LRRTM3: variants seen among roughly 807,000 people sequenced by gnomAD.
The protein encoded by LRRTM3 is leucine rich repeat transmembrane neuronal 3, also known as leucine-rich repeat transmembrane neuronal protein 3.
In LRRTM3, 24 loss-of-function variants were observed where a neutral mutation model predicts 44.7. That is an observed-to-expected ratio of 0.54 (90% CI 0.39 to 0.76). The LOEUF is 0.76. Ranked by LOEUF, LRRTM3 falls within the 30% of genes least tolerant of loss-of-function variation. The pLI is 0.00. For synonymous variants in LRRTM3, 277 were observed against 278.7 expected, an observed-to-expected ratio of 0.99 and a Z score of 0.06; for missense variants, 587 against 702.2, an observed-to-expected ratio of 0.84 and a Z score of 1.85.
In LRRTM3 at chr10:67,101,078, A is replaced by C. The variant is rs1858308903; in HGVS notation, c.*3282A>C. Reference sequence around the variant, plus strand: ...TGTTCTACTCTGGGCTCTCACATTAAAACTCTGTTCAAAAAGTTTAACAAG... The same window carrying C: ...TGTTCTACTCTGGGCTCTCACATTACAACTCTGTTCAAAAAGTTTAACAAG... On this transcript the variant is annotated 3_prime_UTR_variant, in exon 3 of 3. Coordinates refer to ENST00000361320, the MANE Select transcript of LRRTM3 (RefSeq NM_178011.5). Among the ~76,000 whole-genome samples, 1 of 151,782 alleles carries C rather than the reference A, an allele frequency of 6.6e-6. No homozygotes were observed. The highest frequency in any genetic ancestry group is 2.1e-4 in the South Asian group (1 of 4,830).
intron 2 of LRRTM3, among the ~76,000 whole-genome samples, chr10:66,994,063 T>C (rs543907846): frequency 6.6e-6 from 1 of 152,284 alleles, no homozygotes; most frequent in East Asian, 1.9e-4. Context: ...TAAATATTAA[T>C]CATGCCAGGT....
intron 2 of LRRTM3, among the ~76,000 whole-genome samples, chr10:67,062,149 G>A (rs950890246): frequency 2.0e-5 from 3 of 151,664 alleles, no homozygotes; most frequent in African/African-American, 7.3e-5. Flanking sequence ...TTTGAGGCAG[G>A]TGGATGATAT....
intron 2 of LRRTM3, among the ~76,000 whole-genome samples, chr10:66,951,907 C>T (rs944646043): frequency 1.3e-5 from 2 of 152,148 alleles, no homozygotes; most frequent in Non-Finnish European, 2.9e-5. Context: ...CCTAAAATAA[C>T]AGTGAACCTT....
At chr10:67,092,939 C>T (rs912764531) in intron 2 of LRRTM3, among the ~76,000 whole-genome samples, 3 of 151,940 alleles carry the variant, frequency 2.0e-5, no homozygotes, top group East Asian at 1.9e-4. Context: ...TAGCATATAA[C>T]GATTTTCTTA....
chr10:66,942,716 C>T (rs1373134729), intron 2 of LRRTM3, among the ~76,000 whole-genome samples: 1 of 151,952 alleles, frequency 6.6e-6, no homozygotes, highest in Non-Finnish European at 1.5e-5. Context: ...TTCCCATACT[C>T]AGCACTCAAG....
intron 2 of LRRTM3, among the ~76,000 whole-genome samples, chr10:67,041,134 A>G (rs1256004410): frequency 6.6e-6 from 1 of 152,154 alleles, no homozygotes; most frequent in African/African-American, 2.4e-5. Context: ...CTCACTGAGA[A>G]CTAGGGAATT....
At chr10:66,979,691 T>C (rs1850296962) in intron 2 of LRRTM3, among the ~76,000 whole-genome samples, 1 of 152,194 alleles carries the variant, frequency 6.6e-6, no homozygotes, top group Non-Finnish European at 1.5e-5. Flanking sequence ...ATAGGTGAGA[T>C]ACAGAGTACT....
intron 2 of LRRTM3, among the ~76,000 whole-genome samples, chr10:66,945,791 A>C (rs553362926): frequency 6.6e-6 from 1 of 152,148 alleles, no homozygotes; most frequent in East Asian, 1.9e-4. Context: ...AGGGTTATTA[A>C]TGGGTGAAAT....
At position 66,992,902 on chromosome 10, in the gene LRRTM3, A is replaced by G. The variant is rs74371328; in HGVS notation, c.1536+64450A>G. Among the ~76,000 whole-genome samples, 1,336 of 152,180 alleles carry G rather than the reference A, an allele frequency of 8.8e-3. 12 individuals carry two copies. The highest frequency in any genetic ancestry group is 0.014 in the Middle Eastern group (4 of 292). The stretch of plus-strand genomic sequence containing the variant: ...GCTTTGTATCCTCTTCAATTTGACC[A>G]TTTTTGTATCCCGGTACTATTATTA... On this transcript the variant is annotated intron_variant, in intron 2 of 2. Coordinates refer to ENST00000361320, the MANE Select transcript of LRRTM3 (RefSeq NM_178011.5).
chr10:66,939,821 A>AT (rs538789837), intron 2 of LRRTM3, among the ~76,000 whole-genome samples: 6 of 151,994 alleles, frequency 3.9e-5, no homozygotes, highest in African/African-American at 9.6e-5. Context: ...CTTGCAGTCC[A>AT]TTTTTTTTAC....
chr10:67,063,654 C>G (rs890277635), intron 2 of LRRTM3, among the ~76,000 whole-genome samples: 2 of 152,140 alleles, frequency 1.3e-5, no homozygotes, highest in Admixed American at 6.6e-5. Context: ...AGTGCTCTTT[C>G]GAGAATAAAT....
At chr10:66,999,648 G>T (rs1851564838) in intron 2 of LRRTM3, among the ~76,000 whole-genome samples, 2 of 152,118 alleles carry the variant, frequency 1.3e-5, no homozygotes, top group South Asian at 4.1e-4. Flanking sequence ...CTAGATCAGG[G>T]TTAGTTTGGG....
intron 2 of LRRTM3, among the ~76,000 whole-genome samples, chr10:67,003,819 G>A (rs1589584494): frequency 6.6e-6 from 1 of 152,220 alleles, no homozygotes; most frequent in Non-Finnish European, 1.5e-5. Flanking sequence ...TTCATGTGTT[G>A]TCTCTAGCAG....
intron 2 of LRRTM3, among the ~76,000 whole-genome samples, chr10:66,964,722 T>A (rs1158149129): frequency 1.3e-5 from 2 of 152,094 alleles, no homozygotes; most frequent in South Asian, 4.1e-4. Flanking sequence ...CTTACAGAAT[T>A]TCATGATCCC....
intron 2 of LRRTM3, among the ~76,000 whole-genome samples, chr10:67,060,886 T>C (rs999847522): frequency 1.2e-4 from 19 of 152,204 alleles, no homozygotes; most frequent in African/African-American, 4.6e-4. Context: ...CTAGTTTTTT[T>C]AAATTGTTTT....
intron 2 of LRRTM3, among the ~76,000 whole-genome samples, chr10:66,994,568 TAAGTACCAAGGATACCTA>T (rs1464564741): frequency 6.6e-6 from 1 of 152,162 alleles, no homozygotes; most frequent in Non-Finnish European, 1.5e-5. Flanking sequence ...AAAATAGCAT[TAAGTACCAAGGATACCTA>T]AAGTTCATTA....
rs1851067141 is a variant in LRRTM3, at chr10:66,991,982, T to C, written c.1536+63530T>C. ...TTCTGTCTTGGGTCTTCTTTCACCG[T>C]ATAAATCCCAGGGTTGATTTGATCC... On this transcript the variant is annotated intron_variant, in intron 2 of 2. Coordinates refer to ENST00000361320, the MANE Select transcript of LRRTM3 (RefSeq NM_178011.5). Among the ~76,000 whole-genome samples, 3 of 152,178 alleles carry C rather than the reference T, an allele frequency of 2.0e-5. No homozygotes were observed. In the South Asian group the frequency reaches 6.2e-4, roughly 31 times the overall value.
intron 2 of LRRTM3, among the ~76,000 whole-genome samples, chr10:67,070,394 T>A (rs549411568): frequency 6.6e-6 from 1 of 152,332 alleles, no homozygotes; most frequent in African/African-American, 2.4e-5. Context: ...CAAAAGTTCT[T>A]AGTTTTAATA....
intron 2 of LRRTM3, among the ~76,000 whole-genome samples, chr10:66,943,456 A>AT (rs146448697): frequency 0.038 from 5,803 of 151,440 alleles, 222 homozygotes; most frequent in African/African-American, 0.099. Flanking sequence ...CCTGTTCTGA[A>AT]TTTTTTTCCT....
Sources: gnomAD v4.1 joint callset for allele counts (sites outside exome capture counted in the v4.1 genomes callset) on GRCh38, gnomAD v4.1.1 for gene constraint, MANE v1.5 for transcripts, NCBI Gene and HGNC (gene_info 2026-07-23, HGNC 2026-07-21) for gene names.